The following ANTXRL variants were observed in gnomAD, a reference collection of about 807,000 sequenced individuals.
ANTXRL encodes ANTXR like.
Under a neutral mutation model 75.4 loss-of-function variants are expected in ANTXRL, and 63 were observed. That is an observed-to-expected ratio of 0.84 (90% CI 0.68 to 1.03). The LOEUF (loss-of-function observed/expected upper bound fraction) is 1.03. Among genes scored for constraint, ANTXRL ranks in the 50% least tolerant of loss-of-function variants. The pLI is 0.00. For synonymous variants in ANTXRL, 335 were observed against 291.3 expected, an observed-to-expected ratio of 1.15 and a Z score of -1.53; for missense variants, 797 against 789.4, an observed-to-expected ratio of 1.01 and a Z score of -0.12.
chr10:46,317,428 T>A (rs1838787453), intron 16 of ANTXRL, among the ~76,000 whole-genome samples: 1 of 152,200 alleles, frequency 6.6e-6, no homozygotes, highest in South Asian at 2.1e-4. Flanking sequence ...GGGATAGTTG[T>A]TCTGGGTAAC....
At chr10:46,295,936 A>G (rs1293129627) in intron 3 of ANTXRL, 83 bp from the exon 4 acceptor site, 5 of 1,146,134 alleles carry the variant, frequency 4.4e-6, no homozygotes, top group Non-Finnish European at 5.0e-6. Context: ...GGCGCAAAGA[A>G]CAGTGGCTCC....
chr10:46,287,547 T>A, intron 1 of ANTXRL, 37 bp downstream of exon 1: 3 of 1,512,622 alleles, frequency 2.0e-6, no homozygotes, highest in Non-Finnish European at 2.6e-6. Context: ...TGGGTCACCC[T>A]CAGGAGCCAC....
chr10:46,308,837 C>T (rs1295206238), intron 12 of ANTXRL, among the ~76,000 whole-genome samples: 1 of 152,118 alleles, frequency 6.6e-6, no homozygotes, highest in African/African-American at 2.4e-5. Flanking sequence ...CTCACAGAAG[C>T]CCTGTGCTGC....
chr10:46,322,316 G>T (rs2132899971), intron 16 of ANTXRL, among the ~76,000 whole-genome samples: 2 of 152,114 alleles, frequency 1.3e-5, no homozygotes, highest in East Asian at 3.9e-4. Flanking sequence ...AAATTAGCCA[G>T]GTGTGGTGGC....
At position 46,287,337 on chromosome 10, in the gene ANTXRL, T is replaced by C. The variant is rs1304223263; in HGVS notation, c.75T>C (p.Phe25=). The part of the protein sequence containing the change: ...LLLLLLPPPL[F]RAGSLRYHGP... ...TGCTGCTGCTTCCTCCACCGCTTTT[T>C]AGAGCAGGAAGCCTTCGGTACCATG... Residue 25 remains phenylalanine, a synonymous_variant, in exon 1 of 17, where the codon TTT becomes TTC. Transcript: ENST00000620264. The C allele has an allele frequency of 1.3e-6, 2 of 1,535,872 alleles. No individual in the cohort carries two copies. The highest frequency in any genetic ancestry group is 4.9e-5 in the East Asian group (2 of 40,926).
chr10:46,297,008 T>C (rs1837419821), intron 5 of ANTXRL, among the ~76,000 whole-genome samples: 2 of 152,246 alleles, frequency 1.3e-5, no homozygotes, highest in South Asian at 4.1e-4. Context: ...TGAAAGACCC[T>C]GCCCCTCTCA....
At chr10:46,309,624 A>ATGG (rs1554962894) in intron 13 of ANTXRL, among the ~76,000 whole-genome samples, 2 of 152,190 alleles carry the variant, frequency 1.3e-5, no homozygotes, top group Non-Finnish European at 2.9e-5. Flanking sequence ...CAAATGGAGG[A>ATGG]CGCTGTAACC....
Position 46,329,604 on chromosome 10 carries a change from G to A in ANTXRL, c.1416G>A (p.Arg472=). 1 of 1,535,404 alleles carries A rather than the reference G, an allele frequency of 6.5e-7. No individual in the cohort carries two copies. Among genetic ancestry groups the A allele is most frequent in the Non-Finnish European group, 8.7e-7 (1 of 1,146,068 alleles). Residue 472 remains arginine (R), a synonymous_variant, in exon 17 of 17, where the codon AGG becomes AGA. Transcript: ENST00000620264. The part of the protein sequence containing the change: ...WMCCQSRDQG[R]YLSLALAQSQ... Reference sequence around the variant, plus strand: ...CTCTCTTCTCTTCCCTACAGGGGAGGTACCTCAGCTTAGCCCTTGCACAGT... The same window carrying A: ...CTCTCTTCTCTTCCCTACAGGGGAGATACCTCAGCTTAGCCCTTGCACAGT...
intron 16 of ANTXRL, among the ~76,000 whole-genome samples, chr10:46,327,112 C>T (rs144248524): frequency 2.0e-5 from 3 of 152,200 alleles, no homozygotes; most frequent in South Asian, 2.1e-4. Flanking sequence ...TGGGCTTGGG[C>T]GTGCAACATG....
rs1554959496 is a variant in ANTXRL at position 46,298,019 on chromosome 10, T to C, written c.753T>C (p.Cys251=). 6.5e-7 allele frequency: 1 copy of C among 1,535,788 alleles called. No individual in the cohort carries two copies. Among genetic ancestry groups the C allele is most frequent in the African/African-American group, 1.4e-5 (1 of 72,986 alleles). ...TGTTCCAGCTCACGTCAAAGGTCTG[T>C]CTTGATGTGACATCGGTGGAGCCTT... ...STIDALTSKV[C]LDVTSVEPSS... The change falls in exon 9 of 17, where the codon TGT becomes TGC. Residue 251 remains cysteine (C), a synonymous_variant. Coordinates refer to ENST00000620264, the MANE Select transcript of ANTXRL (RefSeq NM_001278688.3).
chr10:46,309,871 A>G (rs1838320166), intron 13 of ANTXRL, among the ~76,000 whole-genome samples: 1 of 152,156 alleles, frequency 6.6e-6, no homozygotes, highest in Admixed American at 6.5e-5. Flanking sequence ...AAGGCGGAGC[A>G]GGACCCAAAA....
At chr10:46,326,824 C>T (rs1234195997) in intron 16 of ANTXRL, among the ~76,000 whole-genome samples, 1 of 152,058 alleles carries the variant, frequency 6.6e-6, no homozygotes, top group African/African-American at 2.4e-5. Flanking sequence ...AGAAAACATC[C>T]GTGTTCCTCC....
intron 16 of ANTXRL, among the ~76,000 whole-genome samples, chr10:46,326,352 C>CA (rs1183681158): frequency 8.5e-5 from 13 of 152,196 alleles, no homozygotes; most frequent in Admixed American, 7.8e-4. Flanking sequence ...CCTCCTCCCA[C>CA]AAAAATGAAC....
chr10:46,306,064 G>A (rs4073427), intron 10 of ANTXRL, among the ~76,000 whole-genome samples: 35,769 of 151,592 alleles, frequency 0.24, 3,690 homozygotes, highest in East Asian at 0.28. Flanking sequence ...CCTGTCCTGG[G>A]TCACCTCTTT....
intron 16 of ANTXRL, among the ~76,000 whole-genome samples, chr10:46,324,573 T>A (rs1451248226): frequency 6.6e-6 from 1 of 152,146 alleles, no homozygotes; most frequent in Non-Finnish European, 1.5e-5. Context: ...CTACAATTGT[T>A]GAGAGCCCTT....
chr10:46,293,569 G>GTGTGCCTGTA, intron 2 of ANTXRL, among the ~76,000 whole-genome samples: 1 of 148,772 alleles, frequency 6.7e-6, no homozygotes, highest in Non-Finnish European at 1.5e-5. Context: ...GTGTGCCTGT[G>GTGTGCCTGTA]TGTGCGCGTG....
At chr10:46,297,682 T>C in intron 7 of ANTXRL, 149 bp from the exon 8 acceptor site, 1 of 851,468 alleles carries the variant, frequency 1.2e-6, no homozygotes, top group Non-Finnish European at 1.8e-6. Context: ...TCCCTAAGAG[T>C]GGGCTGCTGG....
rs1430590481 is a variant in ANTXRL, at chr10:46,306,828, T to C, written c.921T>C (p.Asn307=). 2.6e-6 allele frequency: 4 copies of C among 1,529,224 alleles called. No individual in the cohort carries two copies. The Admixed American group carries it at 6.1e-5, about 23-fold the overall frequency. The allele number at this position is 1,529,224 out of a possible 1,614,324, so 94.7% of individuals were successfully genotyped here. Reference sequence around the variant, plus strand: ...ATGAAAAGCCAACCAGTATCGACAATAATTCCATGAATTGCCCTGGGCCAA... The same window carrying C: ...ATGAAAAGCCAACCAGTATCGACAACAATTCCATGAATTGCCCTGGGCCAA... ...IIDEKPTSID[N]NSMNCPGPKL... The change falls in exon 11 of 17, where the codon AAT becomes AAC. Residue 307 remains asparagine (N), a synonymous_variant. Coordinates refer to ENST00000620264, the MANE Select transcript of ANTXRL (RefSeq NM_001278688.3).
chr10:46,305,251 G>A, intron 10 of ANTXRL, among the ~76,000 whole-genome samples: 1 of 152,246 alleles, frequency 6.6e-6, no homozygotes, highest in East Asian at 1.9e-4. Flanking sequence ...AGTCCCTGTA[G>A]GGCAGCAGGG....
Sources: gnomAD v4.1 joint callset for allele counts (sites outside exome capture counted in the v4.1 genomes callset) on GRCh38, gnomAD v4.1.1 for gene constraint, MANE v1.5 for transcripts, NCBI Gene and HGNC (gene_info 2026-07-23, HGNC 2026-07-21) for gene names.